Variants in ANTXR2 observed in about 807,000 individuals in gnomAD.
The protein encoded by ANTXR2 is ANTXR cell adhesion molecule 2, also known as anthrax toxin receptor 2.
Under a neutral mutation model 73.7 loss-of-function variants are expected in ANTXR2, and 44 were observed. That is an observed-to-expected ratio of 0.60 (90% CI 0.47 to 0.77). The LOEUF (loss-of-function observed/expected upper bound fraction) is 0.77, where lower values mean the gene tolerates loss of function less well. ANTXR2 is among the 30% of genes least tolerant of loss of function. The pLI is 0.00. For synonymous variants in ANTXR2, 217 were observed against 205.9 expected, an observed-to-expected ratio of 1.05 and a Z score of -0.46; for missense variants, 604 against 592.5, an observed-to-expected ratio of 1.02 and a Z score of -0.20.
intron 16 of ANTXR2, among the ~76,000 whole-genome samples, chr4:79,945,952 G>A (rs1728499338): frequency 1.3e-5 from 2 of 152,100 alleles, no homozygotes. Flanking sequence ...TAAAATGTAA[G>A]ATGAAGGTGA....
intron 16 of ANTXR2, among the ~76,000 whole-genome samples, chr4:79,936,644 G>C (rs138554243): frequency 2.8e-4 from 43 of 151,648 alleles, no homozygotes; most frequent in African/African-American, 9.4e-4. Context: ...TAATGCAAAA[G>C]AAATAAAAAA....
chr4:80,038,383 A>G (rs1733078977), intron 7 of ANTXR2, among the ~76,000 whole-genome samples: 1 of 152,140 alleles, frequency 6.6e-6, no homozygotes, highest in South Asian at 2.1e-4. Context: ...CAAATAAGCA[A>G]TTCTCCTAAG....
chr4:80,058,375 G>A (rs2110111584), intron 3 of ANTXR2, among the ~76,000 whole-genome samples: 1 of 152,102 alleles, frequency 6.6e-6, no homozygotes, highest in Non-Finnish European at 1.5e-5. Context: ...TACTTTTGCA[G>A]CTGCATGATC....
At position 80,056,012 on chromosome 4, in the gene ANTXR2, C is replaced by A; in HGVS notation, c.298G>T (p.Gly100Cys). Residue 100 changes from glycine to cysteine, a missense_variant and splice_region_variant, in exon 4 of 17, where the codon GGC (glycine) becomes TGC (cysteine). Coordinates refer to ENST00000403729, the MANE Select transcript of ANTXR2 (RefSeq NM_058172.6). ...TIILPLTGDR[G>C]KISKGLEDLK... Reference sequence around the variant, plus strand: ...TCCTCCAAGCCTTTACTGATTTTGCCTCTGAAAATAATATTAAACAAAAGA... The same window carrying A: ...TCCTCCAAGCCTTTACTGATTTTGCATCTGAAAATAATATTAAACAAAAGA... 6.5e-7 allele frequency: 1 copy of A among 1,544,152 alleles called. No homozygotes were observed. The highest frequency in any genetic ancestry group is 2.0e-5 in the Admixed American group (1 of 48,802).
rs534690635 is a variant in ANTXR2 at position 80,025,732 on chromosome 4, G to A, written c.866+5891C>T. On this transcript the variant is annotated intron_variant, in intron 10 of 16. Transcript: ENST00000403729. ...TTAAAGGTACCACTTCTAGTAATTA[G>A]TTTATATGTAAATTAATGTTTTGAC... Among the ~76,000 whole-genome samples the A allele has an allele frequency of 1.1e-3, 168 of 152,258 alleles. 2 individuals carry two copies. Among genetic ancestry groups the A allele is most frequent in the African/African-American group, 3.9e-3 (161 of 41,560 alleles).
At chr4:79,930,533 T>C (rs1456133717) in intron 16 of ANTXR2, among the ~76,000 whole-genome samples, 1 of 152,232 alleles carries the variant, frequency 6.6e-6, no homozygotes, top group African/African-American at 2.4e-5. Context: ...TGAACGTTGA[T>C]TATCAGGATG....
rs147532913 is a variant in ANTXR2, at chr4:79,953,422, A to G, written c.1428+24199T>C. On this transcript the variant is annotated intron_variant, in intron 16 of 16. Coordinates refer to ENST00000403729, the MANE Select transcript of ANTXR2 (RefSeq NM_058172.6). Reference sequence around the variant, plus strand: ...ACAGTAAATTTAACGGAAGTCTAAAATGATGAAAGATTCTGAAAACTAGAT... The same window carrying G: ...ACAGTAAATTTAACGGAAGTCTAAAGTGATGAAAGATTCTGAAAACTAGAT... 3.9e-3 allele frequency among the ~76,000 whole-genome samples: 592 copies of G among 152,302 alleles called. 3 individuals are homozygous for G. The highest frequency in any genetic ancestry group is 0.013 in the African/African-American group (554 of 41,564).
chr4:80,058,329 C>T (rs1306400588), intron 3 of ANTXR2, among the ~76,000 whole-genome samples: 1 of 152,010 alleles, frequency 6.6e-6, no homozygotes, highest in African/African-American at 2.4e-5. Flanking sequence ...CCTATACCTG[C>T]ACCATAAGAT....
chr4:79,926,893 G>GTATATACACATGTGTGCATATGTGTA (rs1727806236), intron 16 of ANTXR2, among the ~76,000 whole-genome samples: 2 of 121,742 alleles, frequency 1.6e-5, no homozygotes, highest in Admixed American at 8.5e-5. Flanking sequence ...ATATATGTGT[G>GTATATACACATGTGTGCATATGTGTA]TATATACACA....
At chr4:80,033,170 G>C (rs62298639) in intron 9 of ANTXR2, among the ~76,000 whole-genome samples, 14,976 of 151,930 alleles carry the variant, frequency 0.099, 1,829 homozygotes, top group East Asian at 0.64. Context: ...TATCAGCTCT[G>C]TCCATTATTA....
At chr4:79,977,244 T>C (rs2110011184) in intron 16 of ANTXR2, among the ~76,000 whole-genome samples, 1 of 152,360 alleles carries the variant, frequency 6.6e-6, no homozygotes, top group East Asian at 1.9e-4. Flanking sequence ...TCTGAGGCCT[T>C]TGCCCTAGGC....
chr4:79,915,862 C>CTCTCTATATATATA (rs377006532), intron 16 of ANTXR2, among the ~76,000 whole-genome samples: 5 of 123,884 alleles, frequency 4.0e-5, no homozygotes, highest in African/African-American at 1.5e-4. Context: ...CTCTCTCTCT[C>CTCTCTATATATATA]TATATATATA....
chr4:80,026,435 A>G (rs532434188), intron 10 of ANTXR2, among the ~76,000 whole-genome samples: 27 of 152,288 alleles, frequency 1.8e-4, no homozygotes, highest in Admixed American at 5.2e-4. Flanking sequence ...TCTTTATAGC[A>G]GTGTGAGAAC....
Position 80,036,698 on chromosome 4 carries a change from G to A in ANTXR2, c.637-666C>T, listed in dbSNP as rs1365433713. 5.3e-5 allele frequency among the ~76,000 whole-genome samples: 8 copies of A among 152,132 alleles called. No individual in the cohort carries two copies. The East Asian group carries it at 1.5e-3, about 29-fold the overall frequency. On this transcript the variant is annotated intron_variant, in intron 7 of 16. Transcript: ENST00000403729. ...CGCCTGTAATCCCAGCTACTCGGGA[G>A]GCTGAGGCAGGAGAATCGCTTTAAC... is the stretch of plus-strand genomic sequence containing the variant.
chr4:79,948,782 AAGG>A (rs971988302), intron 16 of ANTXR2, among the ~76,000 whole-genome samples: 7 of 152,036 alleles, frequency 4.6e-5, no homozygotes, highest in African/African-American at 1.2e-4. Flanking sequence ...GGAGGAAGGA[AAGG>A]AGGAGGAGGA....
At chr4:79,924,477 C>A (rs1727706485) in intron 16 of ANTXR2, among the ~76,000 whole-genome samples, 1 of 151,970 alleles carries the variant, frequency 6.6e-6, no homozygotes, top group African/African-American at 2.4e-5. Context: ...GGTGATAGAG[C>A]AAAACCCTGT....
chr4:79,907,197 A>T lies in ANTXR2; in HGVS notation c.*232T>A. The T allele has an allele frequency of 1.7e-6, 1 of 571,968 alleles. No homozygotes were observed. The highest frequency in any genetic ancestry group is 3.1e-6 in the Non-Finnish European group (1 of 327,484). 35.4% of individuals were successfully genotyped at this position (571,968 alleles called of 1,614,324 possible). On this transcript the variant is annotated 3_prime_UTR_variant, in exon 17 of 17. Transcript: ENST00000403729. ...TGTTCCTCTTTATTTTCAATGTCAT[A>T]AATCATGAGTTACCACTGAGTTTCA... is the stretch of plus-strand genomic sequence containing the variant.
At chr4:80,029,941 C>T (rs1435471126) in intron 10 of ANTXR2, among the ~76,000 whole-genome samples, 1 of 151,832 alleles carries the variant, frequency 6.6e-6, no homozygotes, top group East Asian at 1.9e-4. Context: ...TACAGTATTA[C>T]ACTAATTAGA....
intron 8 of ANTXR2, among the ~76,000 whole-genome samples, chr4:80,034,344 G>A (rs1022847682): frequency 1.3e-5 from 2 of 152,038 alleles, no homozygotes; most frequent in African/African-American, 2.4e-5. Context: ...AGTGATTAAC[G>A]CTTATTTAAA....
Sources: allele counts gnomAD v4.1 joint callset (sites outside exome capture counted in the v4.1 genomes callset), GRCh38; gene constraint gnomAD v4.1.1; transcripts MANE v1.5; gene names NCBI Gene and HGNC (gene_info 2026-07-23, HGNC 2026-07-21).